Variants in NTRK2 observed in about 807,000 individuals in gnomAD.
The protein encoded by NTRK2 is neurotrophic receptor tyrosine kinase 2.
In NTRK2, 13 loss-of-function variants were observed where a neutral mutation model predicts 94.5. The observed-to-expected ratio is 0.14, with a 90% CI of 0.09 to 0.22. The LOEUF is 0.22. NTRK2 is among the 10% of genes least tolerant of loss of function. The probability of loss-of-function intolerance (pLI) is 1.00; values close to 1 mark genes in which losing one functional copy is unlikely to be tolerated. For missense variants in NTRK2, 639 were observed against 1,071.2 expected, an observed-to-expected ratio of 0.60 and a Z score of 5.63; for synonymous variants, 372 against 407.4, an observed-to-expected ratio of 0.91 and a Z score of 1.05.
chr9:84,955,645 C>T (rs1286087105), intron 17 of NTRK2, 128 bp downstream of exon 17: 2 of 814,988 alleles, frequency 2.5e-6, no homozygotes, highest in African/African-American at 1.7e-5. Context: ...ACATGTGTTT[C>T]TCATGGCTCT....
intron 14 of NTRK2, chr9:84,874,146 T>G: frequency 9.4e-7 from 1 of 1,064,878 alleles, no homozygotes; most frequent in Non-Finnish European, 1.1e-6. Flanking sequence ...CCCATTTTGG[T>G]TTCGGATTGG....
chr9:84,750,841 A>G (rs957066448), intron 11 of NTRK2, among the ~76,000 whole-genome samples: 14 of 152,198 alleles, frequency 9.2e-5, no homozygotes, highest in African/African-American at 3.4e-4. Context: ...TTGCTCTAAA[A>G]TGTTAAGATG....
chr9:84,789,516 T>G (rs2068503872), intron 12 of NTRK2, among the ~76,000 whole-genome samples: 1 of 152,248 alleles, frequency 6.6e-6, no homozygotes, highest in South Asian at 2.1e-4. Flanking sequence ...AAGACAAGTT[T>G]GAATGTTAGA....
At chr9:84,719,949 G>A (rs1043846947) in intron 6 of NTRK2, among the ~76,000 whole-genome samples, 3 of 150,516 alleles carry the variant, frequency 2.0e-5, no homozygotes, top group Admixed American at 6.6e-5. Flanking sequence ...GAACTCAGGA[G>A]GCAGAGGTTG....
intron 12 of NTRK2, among the ~76,000 whole-genome samples, chr9:84,835,530 G>T (rs2073821230): frequency 6.6e-6 from 1 of 151,594 alleles, no homozygotes; most frequent in Non-Finnish European, 1.5e-5. Flanking sequence ...ACAACAACAA[G>T]AACAACAAGA....
intron 14 of NTRK2, chr9:84,871,876 C>T (rs1179198571): frequency 6.2e-7 from 1 of 1,613,180 alleles, no homozygotes; most frequent in African/African-American, 1.3e-5. Flanking sequence ...AGGCTAAATC[C>T]ATGCCTGATG....
At chr9:85,004,702 G>A (rs1830766381) in intron 17 of NTRK2, among the ~76,000 whole-genome samples, 1 of 152,160 alleles carries the variant, frequency 6.6e-6, no homozygotes, top group African/African-American at 2.4e-5. Flanking sequence ...AAGGACTTCA[G>A]GGCTATGAGA....
rs987262229 is a variant in NTRK2 at position 84,861,951 on chromosome 9, C to T, written c.1444+864C>T. 3.9e-5 allele frequency among the ~76,000 whole-genome samples: 6 copies of T among 152,236 alleles called. No individual in the cohort carries two copies. The South Asian group carries it at 6.2e-4, about 16-fold the overall frequency. ...CCACCCTATGCTTGTTCATCCTGGC[C>T]ATATAAGGAGCTGTTTCCTGTCACT... On this transcript the variant is annotated intron_variant, in intron 13 of 18. Coordinates refer to ENST00000277120, the MANE Select transcript of NTRK2 (RefSeq NM_006180.6).
intron 6 of NTRK2, among the ~76,000 whole-genome samples, chr9:84,713,792 T>G (rs2131869632): frequency 6.6e-6 from 1 of 152,220 alleles, no homozygotes; most frequent in Admixed American, 6.5e-5. Flanking sequence ...CTAGGTAAAC[T>G]GTGCTTTTTA....
chr9:84,768,030 G>A (rs143122776), intron 12 of NTRK2, among the ~76,000 whole-genome samples: 2,317 of 152,276 alleles, frequency 0.015, 20 homozygotes, highest in Middle Eastern at 0.034. Context: ...GAAAATAAGG[G>A]CTATAGTCTT....
At chr9:84,895,519 A>G (rs1367849163) in intron 14 of NTRK2, among the ~76,000 whole-genome samples, 2 of 152,226 alleles carry the variant, frequency 1.3e-5, no homozygotes, top group African/African-American at 4.8e-5. Context: ...AATTAAGAAG[A>G]GAGGCCAGAA....
intron 17 of NTRK2, among the ~76,000 whole-genome samples, chr9:84,971,672 T>C (rs1826200341): frequency 6.6e-6 from 1 of 152,082 alleles, no homozygotes; most frequent in Admixed American, 6.5e-5. Flanking sequence ...ATAAAAGCAA[T>C]GAGATGCCAC....
At chr9:84,813,745 A>G (rs1289604867) in intron 12 of NTRK2, 1 of 1,065,742 alleles carries the variant, frequency 9.4e-7, no homozygotes, top group Non-Finnish European at 1.1e-6. Flanking sequence ...CTCCTATTAT[A>G]TCTGACACTA....
chr9:84,803,195 A>G (rs919346737), intron 12 of NTRK2, among the ~76,000 whole-genome samples: 1 of 152,170 alleles, frequency 6.6e-6, no homozygotes, highest in Non-Finnish European at 1.5e-5. Flanking sequence ...GTCTGAGATG[A>G]TGGAAGTTCT....
At chr9:84,715,198 C>G (rs746920064) in intron 6 of NTRK2, among the ~76,000 whole-genome samples, 25 of 152,074 alleles carry the variant, frequency 1.6e-4, no homozygotes, top group Non-Finnish European at 3.1e-4. Flanking sequence ...CATATTGGAC[C>G]AGGTTTTTAA....
chr9:84,928,851 T>C (rs2132666581), intron 14 of NTRK2, among the ~76,000 whole-genome samples: 1 of 152,270 alleles, frequency 6.6e-6, no homozygotes. Flanking sequence ...AGTATATTAG[T>C]TTTAATCTTT....
intron 17 of NTRK2, among the ~76,000 whole-genome samples, chr9:84,993,231 G>A (rs1315011293): frequency 6.6e-6 from 1 of 152,044 alleles, no homozygotes; most frequent in Non-Finnish European, 1.5e-5. Context: ...TATTCTCCAG[G>A]CGTCAGTGAC....
chr9:84,696,228 G>A (rs1269949073), intron 2 of NTRK2, among the ~76,000 whole-genome samples: 9 of 152,106 alleles, frequency 5.9e-5, no homozygotes, highest in Non-Finnish European at 1.2e-4. Flanking sequence ...AGCTGGTCTC[G>A]AACTCCTGGA....
At chr9:84,930,963 A>G (rs1587968287) in intron 14 of NTRK2, among the ~76,000 whole-genome samples, 1 of 152,252 alleles carries the variant, frequency 6.6e-6, no homozygotes, top group African/African-American at 2.4e-5. Flanking sequence ...CTCAAATAAC[A>G]TAGTCAAGTA....
Sources: gnomAD v4.1 joint callset for allele counts (sites outside exome capture counted in the v4.1 genomes callset) on GRCh38, gnomAD v4.1.1 for gene constraint, MANE v1.5 for transcripts, NCBI Gene and HGNC (gene_info 2026-07-23, HGNC 2026-07-21) for gene names.